Variants in C8B observed in about 807,000 individuals in gnomAD.
C8B encodes complement component C8 beta chain.
A neutral mutation model predicts 64.6 loss-of-function variants in C8B; 67 were observed. That is an observed-to-expected ratio of 1.04 (90% CI 0.85 to 1.27). The LOEUF (loss-of-function observed/expected upper bound fraction) is 1.27. C8B is among the 50% of genes most tolerant of loss of function. The pLI, the probability that C8B is intolerant of heterozygous loss-of-function variation, is 0.00. For missense variants in C8B, 790 were observed against 725.2 expected (o/e 1.09, Z -1.03); for synonymous variants, 284 against 257.7 (o/e 1.10, Z -0.98).
rs2101464083 is a variant in C8B at position 56,960,140 on chromosome 1, G to A, written c.129C>T (p.Val43=). ...ERPHSFGSNA[V]NKSFAKSRQM... ...GTCTGCTCTTAGCAAAGCTCTTGTT[G>A]ACTGCATTTGACCCAAAGGAATGTG... Residue 43 remains valine, a synonymous_variant, in exon 2 of 12, where the codon GTC becomes GTT. Coordinates refer to ENST00000371237, the MANE Select transcript of C8B (RefSeq NM_000066.4). 6.2e-7 allele frequency: 1 copy of A among 1,614,158 alleles called. No homozygotes were observed. Among genetic ancestry groups the A allele is most frequent in the African/African-American group, 1.3e-5 (1 of 75,048 alleles).
intron 10 of C8B, 37 bp from the exon 11 acceptor site, chr1:56,931,915 A>G: frequency 3.3e-6 from 5 of 1,505,690 alleles, no homozygotes. Flanking sequence ...GAATCATGCC[A>G]GGTGGAGCAA....
intron 5 of C8B, 81 bp downstream of exon 5, chr1:56,951,960 GGCTAGCA>G: frequency 1.5e-6 from 2 of 1,359,736 alleles, no homozygotes; most frequent in Non-Finnish European, 2.1e-6. Context: ...AAGAGAAAAG[GGCTAGCA>G]GGCTGTCAGG....
At chr1:56,931,109 T>C (rs1428052978) in intron 11 of C8B, among the ~76,000 whole-genome samples, 1 of 152,212 alleles carries the variant, frequency 6.6e-6, no homozygotes, top group Non-Finnish European at 1.5e-5. Context: ...GCCATTTCCA[T>C]ATTGAACAGT....
chr1:56,952,354 C>G (rs139926004), intron 4 of C8B, among the ~76,000 whole-genome samples, 174 bp from the exon 5 acceptor site: 1 of 152,246 alleles, frequency 6.6e-6, no homozygotes, highest in Non-Finnish European at 1.5e-5. Flanking sequence ...ACCACAGCCA[C>G]GTGCCCTAGT....
chr1:56,962,541 T>C (rs930852905), intron 1 of C8B, among the ~76,000 whole-genome samples: 5 of 152,192 alleles, frequency 3.3e-5, no homozygotes, highest in African/African-American at 9.7e-5. Context: ...TGACTAAACT[T>C]CTGTCATTAA....
At position 56,945,893 on chromosome 1, in the gene C8B, T is replaced by C; in HGVS notation, c.1033A>G (p.Ile345Val). ...ATGCCCCCAAGCACAGCCTCTGTGA[T>C]GTAGTGGGTCCCAAAATCACGGAAG... Reference protein sequence around the residue: ...DLFRDFGTHYITEAVLGGIYE... With the variant: ...DLFRDFGTHYVTEAVLGGIYE... Residue 345 changes from isoleucine (I) to valine (V), a missense_variant, in exon 7 of 12, where the codon ATC becomes GTC. By Grantham distance (29) the Ile-to-Val change is conservative. Transcript: ENST00000371237. 1 of 1,614,104 alleles carries C rather than the reference T, an allele frequency of 6.2e-7. No homozygotes were observed. The highest frequency in any genetic ancestry group is 8.5e-7 in the Non-Finnish European group (1 of 1,180,014).
intron 5 of C8B, 60 bp downstream of exon 5, chr1:56,951,988 G>T (rs1645026608): frequency 1.0e-5 from 11 of 1,056,042 alleles, no homozygotes; most frequent in Non-Finnish European, 1.5e-5. Context: ...CCGGACCATG[G>T]ACCCTGCTAA....
In C8B at chr1:56,929,348, T is replaced by G. The variant is rs1169343527; in HGVS notation, c.*56A>C. On this transcript the variant is annotated 3_prime_UTR_variant, in exon 12 of 12. Transcript: ENST00000371237. The stretch of plus-strand genomic sequence containing the variant: ...AAACTGGTGTAGGGCTGAGCTGGCA[T>G]GAGTTCTTGAGGGCTCAGGGCTCTC... The G allele has an allele frequency of 1.3e-6, 2 of 1,591,498 alleles. No homozygotes were observed. Among genetic ancestry groups the G allele is most frequent in the Non-Finnish European group, 1.7e-6 (2 of 1,161,230 alleles).
At chr1:56,955,489 A>G (rs1159257557) in intron 3 of C8B, among the ~76,000 whole-genome samples, 1 of 152,126 alleles carries the variant, frequency 6.6e-6, no homozygotes, top group East Asian at 1.9e-4. Context: ...TCTTATTAGT[A>G]TATCGTTGGG....
chr1:56,936,972 T>C (rs1333106045), intron 9 of C8B, among the ~76,000 whole-genome samples: 1 of 152,200 alleles, frequency 6.6e-6, no homozygotes. Context: ...TTTCCAGGCA[T>C]ATGCTGCCAC....
intron 4 of C8B, 150 bp downstream of exon 4, chr1:56,954,536 G>A (rs922491541): frequency 1.5e-5 from 16 of 1,067,932 alleles, no homozygotes; most frequent in East Asian, 2.5e-5. Context: ...TGCCCTCAGA[G>A]AGCAACCGGA....
chr1:56,958,581 A>G (rs928854579), intron 2 of C8B, among the ~76,000 whole-genome samples: 3 of 151,728 alleles, frequency 2.0e-5, no homozygotes, highest in African/African-American at 7.3e-5. Context: ...ATATCACCCA[A>G]TCTGACTTGA....
chr1:56,960,089 C>T lies in C8B; in HGVS notation c.180G>A (p.Leu60=), dbSNP rs554377828. The T allele has an allele frequency of 3.7e-6, 6 of 1,614,110 alleles. No homozygotes were observed. Among genetic ancestry groups the T allele is most frequent in the Middle Eastern group, 1.6e-4 (1 of 6,062 alleles). ...SRQMRSVDVT[L]MPIDCELSSW... is the part of the protein sequence containing the mutation. ...TAGACAGCTCACAATCAATGGGCATCAGGGTAACATCCACACTCCGCATCT... is the reference window on the plus strand; with the variant it reads ...TAGACAGCTCACAATCAATGGGCATTAGGGTAACATCCACACTCCGCATCT... Residue 60 remains leucine (L), a synonymous_variant, in exon 2 of 12, where the codon CTG becomes CTA. Coordinates refer to ENST00000371237, the MANE Select transcript of C8B (RefSeq NM_000066.4).
Position 56,958,315 on chromosome 1 carries a change from T to C in C8B, c.250-1405A>G, listed in dbSNP as rs562854925. Among the ~76,000 whole-genome samples, 105 of 152,312 alleles carry C rather than the reference T, an allele frequency of 6.9e-4. 1 individual carries two copies. Among genetic ancestry groups the C allele is most frequent in the South Asian group, 2.9e-3 (14 of 4,822 alleles). ...CAAGCCAGGATAGCAGCCCCTGCTT[T>C]GCAGGATGACATTAATAAGGCATAG... On this transcript the variant is annotated intron_variant, in intron 2 of 11. Coordinates refer to ENST00000371237, the MANE Select transcript of C8B (RefSeq NM_000066.4).
chr1:56,952,241 G>C, intron 4 of C8B, 61 bp from the exon 5 acceptor site: 1 of 1,607,704 alleles, frequency 6.2e-7, no homozygotes, highest in Non-Finnish European at 8.5e-7. Context: ...AATCTTGACT[G>C]TCAGACCCTA....
Position 56,946,061 on chromosome 1 carries a change from T to C in C8B, c.865A>G (p.Lys289Glu). ...GAGCGTGCATGCAGAAATACGCTTT[T>C]CTAAATGAAATACCAACATGGGAAA... is the stretch of plus-strand genomic sequence containing the variant. ...IRRTKRFSHT[K>E]SVFLHARSDL... The change falls in exon 7 of 12, where the codon AAA becomes GAA. Residue 289 changes from lysine to glutamate, a missense_variant and splice_region_variant. Physicochemically the swap from Lys to Glu is moderately conservative, Grantham distance 56. Coordinates refer to ENST00000371237, the MANE Select transcript of C8B (RefSeq NM_000066.4). 6.2e-7 allele frequency: 1 copy of C among 1,614,132 alleles called. No homozygotes were observed.
chr1:56,945,106 G>C (rs1317844693), intron 7 of C8B, among the ~76,000 whole-genome samples: 1 of 152,186 alleles, frequency 6.6e-6, no homozygotes, highest in Admixed American at 6.5e-5. Context: ...TCCAAAGCTT[G>C]TTAGAAATGC....
At chr1:56,941,377 G>A (rs1644852382) in intron 8 of C8B, among the ~76,000 whole-genome samples, 1 of 152,148 alleles carries the variant, frequency 6.6e-6, no homozygotes, top group African/African-American at 2.4e-5. Context: ...TAGGTAGATA[G>A]GAGAGTAGAT....
At chr1:56,946,122 G>A (rs1644938853) in intron 6 of C8B, 61 bp from the exon 7 acceptor site, 1 of 1,597,296 alleles carries the variant, frequency 6.3e-7, no homozygotes, top group Non-Finnish European at 8.6e-7. Context: ...GGAACGAGAA[G>A]ATGAACTTTA....
Sources: gnomAD v4.1 joint callset for allele counts (sites outside exome capture counted in the v4.1 genomes callset) on GRCh38, gnomAD v4.1.1 for gene constraint, MANE v1.5 for transcripts, NCBI Gene and HGNC (gene_info 2026-07-23, HGNC 2026-07-21) for gene names.